GPR153: variants seen among roughly 807,000 people sequenced by gnomAD.
GPR153 encodes probable G protein-coupled receptor 153.
Under a neutral mutation model 34.1 loss-of-function variants are expected in GPR153, and 27 were observed. The observed-to-expected ratio is 0.79, with a 90% confidence interval of 0.58 to 1.09. The LOEUF is 1.09. GPR153 is among the 50% of genes least tolerant of loss of function. The pLI, the probability that GPR153 is intolerant of heterozygous loss-of-function variation, is 0.00. For synonymous variants in GPR153, 408 were observed against 405.4 expected, an observed-to-expected ratio of 1.01 and a Z score of -0.08; for missense variants, 848 against 860.2, an observed-to-expected ratio of 0.99 and a Z score of 0.18.
intron 1 of GPR153, among the ~76,000 whole-genome samples, chr1:6,260,375 A>AT (rs1168874574): frequency 6.3e-4 from 9 of 14,334 alleles, no homozygotes; most frequent in African/African-American, 5.6e-3. Context: ...TGGGGCTCCG[A>AT]TCCCCCCCCC....
At chr1:6,255,036 C>T (rs2100990622) in intron 1 of GPR153, 22 bp from the exon 2 acceptor site, 1 of 598,974 alleles carries the variant, frequency 1.7e-6, no homozygotes, top group South Asian at 2.4e-5. Context: ...TGGCAGTGGG[C>T]ACTCAGTGAC....
rs1319009385 is a variant in GPR153, at chr1:6,251,997, G to A, written c.787-467C>T. The stretch of plus-strand genomic sequence containing the variant: ...TTTGAGATGAGGAAACTGAGGCTTA[G>A]AGAACCAGGTCTCAAGCCTGTTCAA... On this transcript the variant is annotated intron_variant, in intron 3 of 5. Coordinates refer to ENST00000377893, the MANE Select transcript of GPR153 (RefSeq NM_207370.4). This position sits in a 1 kb window ranked among gnomAD's most constrained non-coding sequence, Gnocchi z 4.9. Among the ~76,000 whole-genome samples, 1 of 152,132 alleles carries A rather than the reference G, an allele frequency of 6.6e-6. No individual in the cohort carries two copies. The highest frequency in any genetic ancestry group is 1.5e-5 in the Non-Finnish European group (1 of 68,030).
Position 6,249,257 on chromosome 1 carries a change from G to T in GPR153, c.*81C>A, listed in dbSNP as rs1075751. ...AGGGGTGGCGCATGTCTGCGCGCGG[G>T]GCGGAGGCGGGCGTCTTTGGTGCTG... On this transcript the variant is annotated 3_prime_UTR_variant, in exon 6 of 6. Coordinates refer to ENST00000377893, the MANE Select transcript of GPR153 (RefSeq NM_207370.4). The surrounding 1 kb of genome is among the most constrained non-coding windows in gnomAD (Gnocchi z 4.3). 7,171 of 1,043,540 alleles carry T rather than the reference G, an allele frequency of 6.9e-3. 37 individuals are homozygous for T. Among genetic ancestry groups the T allele is most frequent in the Non-Finnish European group, 8.2e-3 (6,696 of 814,992 alleles). 64.6% of individuals were successfully genotyped at this position (1,043,540 alleles called of 1,614,324 possible).
In GPR153 at chr1:6,249,475, G is replaced by A; in HGVS notation, c.1693C>T (p.Leu565=). The A allele has an allele frequency of 7.7e-7, 1 of 1,304,442 alleles. No homozygotes were observed. The highest frequency in any genetic ancestry group is 9.7e-7 in the Non-Finnish European group (1 of 1,033,190). 80.8% of individuals were successfully genotyped at this position (1,304,442 alleles called of 1,614,324 possible). A position where few individuals can be genotyped will look rare whatever the true frequency, so the allele number is the denominator to read the frequency against. ...HSHAGSLRPG[L]SASWGEPGGL... ...CCGGGCTCGCCCCACGACGCGCTCAGGCCGGGGCGCAGAGAGCCGGCGTGC... is the reference window on the plus strand; with the variant it reads ...CCGGGCTCGCCCCACGACGCGCTCAAGCCGGGGCGCAGAGAGCCGGCGTGC... The change falls in exon 6 of 6, where the codon CTG becomes TTG. Residue 565 remains leucine (L), a synonymous_variant. Transcript: ENST00000377893. The surrounding 1 kb of genome is among the most constrained non-coding windows in gnomAD (Gnocchi z 4.3).
In GPR153 at chr1:6,250,559, C is replaced by T; in HGVS notation, c.1045G>A (p.Gly349Arg). ...CTATCTAGGGCCACAAAATCACCTC[C>T]ATAGCCATAGTCCAGGGAGCGCTCC... ...VLERSLDYGYGGDFVALDRMA... is the reference protein window; with the variant it reads ...VLERSLDYGYRGDFVALDRMA... The change falls in exon 5 of 6, where the codon GGA becomes AGA. Residue 349 changes from glycine to arginine, a missense_variant. Physicochemically the swap from Gly to Arg is moderately radical, Grantham distance 125. Coordinates refer to ENST00000377893, the MANE Select transcript of GPR153 (RefSeq NM_207370.4). 1.3e-6 allele frequency: 2 copies of T among 1,598,726 alleles called. No individual in the cohort carries two copies. The highest frequency in any genetic ancestry group is 8.5e-7 in the Non-Finnish European group (1 of 1,173,596).
intron 1 of GPR153, among the ~76,000 whole-genome samples, chr1:6,255,651 T>TTG (rs1440295960): frequency 4.0e-4 from 50 of 124,390 alleles, no homozygotes; most frequent in African/African-American, 1.4e-3. Flanking sequence ...CGTTTTTTTT[T>TTG]TTTTTTTTTT....
At chr1:6,259,115 G>T (rs1030749206) in intron 1 of GPR153, among the ~76,000 whole-genome samples, 1 of 152,194 alleles carries the variant, frequency 6.6e-6, no homozygotes, top group Admixed American at 6.5e-5. Flanking sequence ...AAAAAAATTG[G>T]CCAGGCGTAG....
rs1232029033 is a variant in GPR153 at position 6,249,421 on chromosome 1, T to C, written c.1747A>G (p.Ser583Gly). Residue 583 changes from serine to glycine, a missense_variant, in exon 6 of 6, where the codon AGC becomes GGC. Transcript: ENST00000377893. This position sits in a 1 kb window ranked among gnomAD's most constrained non-coding sequence, Gnocchi z 4.3. ...GGLRAAGGGG[S>G]TSSFLSSPSE... Reference sequence around the variant, plus strand: ...GGGGAACTCAGGAAGCTGCTGGTGCTGCCGCCGCCGCCCGCCGCGCGCAGC... The same window carrying C: ...GGGGAACTCAGGAAGCTGCTGGTGCCGCCGCCGCCGCCCGCCGCGCGCAGC... 2 of 1,362,058 alleles carry C rather than the reference T, an allele frequency of 1.5e-6. No individual in the cohort carries two copies. The highest frequency in any genetic ancestry group is 1.9e-6 in the Non-Finnish European group (2 of 1,061,490). The allele number at this position is 1,362,058 out of a possible 1,614,324, so 84.4% of individuals were successfully genotyped here. A position where few individuals can be genotyped will look rare whatever the true frequency, so the allele number is the denominator to read the frequency against.
rs1444668234 is a variant in GPR153, at chr1:6,253,717, C to T, written c.786+1G>A. ...CCCCTCTACCCGACGCCGTCACCCA[C>T]CAGCACAGGGAAGCCCATGAGGCAG... is the stretch of plus-strand genomic sequence containing the variant. On this transcript the variant is annotated splice_donor_variant, in intron 3 of 5. Coordinates refer to ENST00000377893, the MANE Select transcript of GPR153 (RefSeq NM_207370.4). LOFTEE classifies it high-confidence loss of function. 1 of 1,518,564 alleles carries T rather than the reference C, an allele frequency of 6.6e-7. No homozygotes were observed. 94.1% of individuals were successfully genotyped at this position (1,518,564 alleles called of 1,614,324 possible). A position where few individuals can be genotyped will look rare whatever the true frequency, so the allele number is the denominator to read the frequency against.
intron 1 of GPR153, among the ~76,000 whole-genome samples, chr1:6,255,642 GTTTTT>G (rs59403526): frequency 2.6e-5 from 1 of 38,848 alleles, no homozygotes; most frequent in Non-Finnish European, 4.4e-5. Flanking sequence ...GCCTGGCTAC[GTTTTT>G]TTTTTTTTTT....
intron 3 of GPR153, among the ~76,000 whole-genome samples, chr1:6,253,095 T>C (rs1229581784): frequency 1.3e-5 from 2 of 152,166 alleles, no homozygotes; most frequent in African/African-American, 4.8e-5. Context: ...TACCTCTGCA[T>C]CAAACGGCCC....
chr1:6,249,407 G>A lies in GPR153; in HGVS notation c.1761C>T (p.Phe587=), dbSNP rs1467165761. ...AAGGGGSTSS[F]LSSPSESSGY... ...CCGAGGACTCGGAGGGGGAACTCAG[G>A]AAGCTGCTGGTGCTGCCGCCGCCGC... Residue 587 remains phenylalanine, a synonymous_variant, in exon 6 of 6, where the codon TTC becomes TTT. Coordinates refer to ENST00000377893, the MANE Select transcript of GPR153 (RefSeq NM_207370.4). This position sits in a 1 kb window ranked among gnomAD's most constrained non-coding sequence, Gnocchi z 4.3. 1.4e-6 allele frequency: 2 copies of A among 1,379,534 alleles called. No homozygotes were observed. Among genetic ancestry groups the A allele is most frequent in the South Asian group, 1.7e-5 (1 of 59,000 alleles). The allele number at this position is 1,379,534 out of a possible 1,614,324, so 85.5% of individuals were successfully genotyped here. A position where few individuals can be genotyped will look rare whatever the true frequency, so the allele number is the denominator to read the frequency against.
rs776061422 is a variant in GPR153, at chr1:6,254,689, G to T, written c.217C>A (p.Arg73Ser). 1 of 1,613,820 alleles carries T rather than the reference G, an allele frequency of 6.2e-7. No homozygotes were observed. Among genetic ancestry groups the T allele is most frequent in the South Asian group, 1.1e-5 (1 of 91,074 alleles). Reference sequence around the variant, plus strand: ...CCCTCATTCCACTCGAAGTCGGGGCGCTGCCGCCGCAGCTGCACCACGGAG... The same window carrying T: ...CCCTCATTCCACTCGAAGTCGGGGCTCTGCCGCCGCAGCTGCACCACGGAG... ...TYSVVQLRRQ[R>S]PDFEWNEGLC... The change falls in exon 2 of 6, where the codon CGC (arginine) becomes AGC (serine). Residue 73 changes from arginine to serine, a missense_variant. Coordinates refer to ENST00000377893, the MANE Select transcript of GPR153 (RefSeq NM_207370.4).
intron 1 of GPR153, among the ~76,000 whole-genome samples, chr1:6,258,181 A>G (rs1448608281): frequency 6.6e-6 from 1 of 151,850 alleles, no homozygotes; most frequent in East Asian, 1.9e-4. Context: ...TACTCTTATT[A>G]CCCAGGGTGG....
intron 3 of GPR153, among the ~76,000 whole-genome samples, chr1:6,252,548 G>T (rs532998797): frequency 3.0e-4 from 46 of 152,298 alleles, no homozygotes; most frequent in African/African-American, 9.9e-4. Flanking sequence ...GGGAGAACCA[G>T]GCCTGCTGGG....
At chr1:6,250,051 C>T in intron 5 of GPR153, 48 bp from the exon 6 acceptor site, 3 of 1,257,764 alleles carry the variant, frequency 2.4e-6, no homozygotes, top group Non-Finnish European at 3.0e-6. Context: ...TCCTGGGAAA[C>T]GGGGACAAAC....
In GPR153 at chr1:6,254,104, T is replaced by C; in HGVS notation, c.400A>G (p.Ile134Val). The change falls in exon 3 of 6, where the codon ATC becomes GTC. Residue 134 changes from isoleucine (I) to valine (V), a missense_variant. By Grantham distance (29) the Ile-to-Val change is conservative. Coordinates refer to ENST00000377893, the MANE Select transcript of GPR153 (RefSeq NM_207370.4). ...KKQAVHTVMG[I>V]WMVSFILSAL... ...GACAGGATGAAGGACACCATCCAGA[T>C]ACCCATGACTGTGTGCACCGCCTGC... is the stretch of plus-strand genomic sequence containing the variant. The C allele has an allele frequency of 6.2e-7, 1 of 1,613,260 alleles. No homozygotes were observed. The highest frequency in any genetic ancestry group is 8.5e-7 in the Non-Finnish European group (1 of 1,179,702).
At chr1:6,250,296 C>T in intron 5 of GPR153, 144 bp downstream of exon 5, 1 of 1,443,240 alleles carries the variant, frequency 6.9e-7, no homozygotes, top group South Asian at 1.5e-5. Context: ...AGCTGTGTGA[C>T]CTTTGGACAG....
Position 6,253,855 on chromosome 1 carries a change from T to C in GPR153, c.649A>G (p.Ile217Val). ...ADRRAFTVPT[I>V]VVEDAQGKRR... Reference sequence around the variant, plus strand: ...TTGCCCTGCGCGTCCTCCACCACGATGGTGGGCACGGTGAAGGCGCGGCGG... The same window carrying C: ...TTGCCCTGCGCGTCCTCCACCACGACGGTGGGCACGGTGAAGGCGCGGCGG... The change falls in exon 3 of 6, where the codon ATC becomes GTC. Residue 217 changes from isoleucine to valine, a missense_variant. Physicochemically the swap from Ile to Val is conservative, Grantham distance 29. Transcript: ENST00000377893. The C allele has an allele frequency of 1.2e-6, 2 of 1,605,728 alleles. No homozygotes were observed.
Sources: gnomAD v4.1 joint callset for allele counts (sites outside exome capture counted in the v4.1 genomes callset) on GRCh38, gnomAD v4.1.1 for gene constraint, Gnocchi (gnomAD v3.1) non-coding constraint, MANE v1.5 for transcripts, NCBI Gene and HGNC (gene_info 2026-07-23, HGNC 2026-07-21) for gene names.